The following LNPK variants were observed in gnomAD, a reference collection of about 807,000 sequenced individuals.
The protein encoded by LNPK is endoplasmic reticulum junction formation protein lunapark.
Under a neutral mutation model 55.2 loss-of-function variants are expected in LNPK, and 29 were observed. The observed-to-expected ratio is 0.53, with a 90% CI of 0.39 to 0.72. LNPK has a LOEUF of 0.72. Ranked by LOEUF, LNPK falls within the 30% of genes least tolerant of loss-of-function variation. LNPK has a pLI of 0.00. For synonymous variants in LNPK, 162 were observed against 168.2 expected (o/e 0.96, Z 0.29); for missense variants, 467 against 494.8 (o/e 0.94, Z 0.53).
chr2:175,928,995 A>G lies in LNPK; in HGVS notation c.*972T>C, dbSNP rs1684142390. 8 of 404,222 alleles carry G rather than the reference A, an allele frequency of 2.0e-5. No homozygotes were observed. Among genetic ancestry groups the G allele is most frequent in the Non-Finnish European group, 2.3e-5 (7 of 298,384 alleles). 25.0% of individuals were successfully genotyped at this position (404,222 alleles called of 1,614,324 possible). A position where few individuals can be genotyped will look rare whatever the true frequency, so the allele number is the denominator to read the frequency against. On this transcript the variant is annotated 3_prime_UTR_variant, in exon 13 of 13. Transcript: ENST00000272748. Reference sequence around the variant, plus strand: ...AACAAGTCTGAATAAAAGTACCATAATTTGCTCTAAGCAGAATCTACAGAT... The same window carrying G: ...AACAAGTCTGAATAAAAGTACCATAGTTTGCTCTAAGCAGAATCTACAGAT...
chr2:175,982,099 T>C (rs987270219), intron 4 of LNPK, among the ~76,000 whole-genome samples: 3 of 152,100 alleles, frequency 2.0e-5, no homozygotes, highest in Non-Finnish European at 2.9e-5. Flanking sequence ...TAAGAGAATA[T>C]AGGTTAAGCA....
rs1366431440 is a variant in LNPK, at chr2:175,927,148, T to C, written c.*2819A>G. 1 of 152,084 alleles carries C rather than the reference T, an allele frequency of 6.6e-6. No individual in the cohort carries two copies. Among genetic ancestry groups the C allele is most frequent in the Non-Finnish European group, 1.5e-5 (1 of 68,020 alleles). The allele number at this position is 152,084 out of a possible 1,614,324, so 9.4% of individuals were successfully genotyped here. The stretch of plus-strand genomic sequence containing the variant: ...CCAGAGAAATAAGAGAATAATAGTG[T>C]GATATATGAAAAGCCAAAAGAAAAA... On this transcript the variant is annotated 3_prime_UTR_variant, in exon 13 of 13. Transcript: ENST00000272748.
chr2:175,935,634 T>C (rs1172872845), intron 12 of LNPK: 4 of 193,074 alleles, frequency 2.1e-5, no homozygotes, highest in Non-Finnish European at 3.8e-5. Flanking sequence ...CCAAATGGAA[T>C]TGTTGCTTCA....
chr2:175,955,204 C>T (rs1455427043), intron 8 of LNPK, among the ~76,000 whole-genome samples: 1 of 152,152 alleles, frequency 6.6e-6, no homozygotes, highest in Admixed American at 6.5e-5. Flanking sequence ...TGTACCCTCC[C>T]CTTGAAATTG....
intron 8 of LNPK, among the ~76,000 whole-genome samples, chr2:175,956,380 A>T (rs1397158913): frequency 6.6e-6 from 1 of 151,896 alleles, no homozygotes; most frequent in Non-Finnish European, 1.5e-5. Context: ...ACCTATTCCT[A>T]TAACTTTGCA....
chr2:175,969,329 T>C (rs557779677), intron 6 of LNPK, among the ~76,000 whole-genome samples: 2 of 152,188 alleles, frequency 1.3e-5, no homozygotes, highest in Non-Finnish European at 2.9e-5. Context: ...ATCTTTTATG[T>C]TGCGATTCCT....
intron 9 of LNPK, among the ~76,000 whole-genome samples, chr2:175,940,194 G>A (rs750459361): frequency 4.6e-5 from 7 of 151,932 alleles, no homozygotes; most frequent in Non-Finnish European, 8.8e-5. Flanking sequence ...ATTGCCTATA[G>A]AGAGTTTCCA....
chr2:175,993,188 T>C lies in LNPK; in HGVS notation c.63A>G (p.Ile21Met). ...KPSTVEVLES[I>M]DKEIQALEEF... ...TCACAGCCAAAGAACATACCTTATC[T>C]ATACTTTCTAGAACTTCTACAGTTG... Residue 21 changes from isoleucine to methionine, a missense_variant, in exon 3 of 13, where the codon ATA (isoleucine) becomes ATG (methionine). Physicochemically the swap from Ile to Met is conservative, Grantham distance 10. Coordinates refer to ENST00000272748, the MANE Select transcript of LNPK (RefSeq NM_030650.3). The C allele has an allele frequency of 1.3e-6, 2 of 1,553,520 alleles. No homozygotes were observed. The highest frequency in any genetic ancestry group is 1.8e-6 in the Non-Finnish European group (2 of 1,140,264).
intron 8 of LNPK, among the ~76,000 whole-genome samples, chr2:175,961,731 G>A (rs912158016): frequency 6.6e-6 from 1 of 152,036 alleles, no homozygotes; most frequent in Non-Finnish European, 1.5e-5. Flanking sequence ...AGAAATAAAG[G>A]GTATTCAATT....
At chr2:175,994,517 A>C (rs1244763524) in intron 2 of LNPK, among the ~76,000 whole-genome samples, 1 of 152,100 alleles carries the variant, frequency 6.6e-6, no homozygotes, top group Non-Finnish European at 1.5e-5. Context: ...AAGAGCATTT[A>C]TATAATTTTT....
chr2:175,982,883 A>G (rs1364589156), intron 4 of LNPK, among the ~76,000 whole-genome samples: 5 of 152,236 alleles, frequency 3.3e-5, no homozygotes, highest in African/African-American at 4.8e-5. Context: ...GAATAGTGGC[A>G]TAAGATCCAC....
chr2:175,960,164 A>G (rs62187006), intron 8 of LNPK, among the ~76,000 whole-genome samples: 11,036 of 152,232 alleles, frequency 0.072, 430 homozygotes, highest in South Asian at 0.098. Context: ...ACAGAAGGTT[A>G]ACAAGGATAT....
At chr2:175,971,076 A>T (rs906855414) in intron 5 of LNPK, among the ~76,000 whole-genome samples, 1 of 152,108 alleles carries the variant, frequency 6.6e-6, no homozygotes, top group African/African-American at 2.4e-5. Flanking sequence ...AATACTTTTT[A>T]ATGTGTTCAG....
intron 3 of LNPK, among the ~76,000 whole-genome samples, chr2:175,992,683 C>A (rs1687759528): frequency 6.6e-6 from 1 of 151,954 alleles, no homozygotes; most frequent in South Asian, 2.1e-4. Context: ...GGCAAAGATT[C>A]AGGGAATGAA....
At chr2:175,985,736 G>A (rs1687377599) in intron 4 of LNPK, among the ~76,000 whole-genome samples, 3 of 152,068 alleles carry the variant, frequency 2.0e-5, no homozygotes, top group Non-Finnish European at 4.4e-5. Context: ...TATAAATTAG[G>A]CATAGTAAGA....
intron 8 of LNPK, among the ~76,000 whole-genome samples, chr2:175,962,455 A>G (rs1686089964): frequency 6.6e-6 from 1 of 152,214 alleles, no homozygotes; most frequent in Admixed American, 6.5e-5. Flanking sequence ...AAATGGGGAA[A>G]AGATTCCCTG....
chr2:175,958,620 G>A (rs1003514537), intron 8 of LNPK, among the ~76,000 whole-genome samples: 2 of 152,170 alleles, frequency 1.3e-5, no homozygotes, highest in African/African-American at 4.8e-5. Flanking sequence ...GGAGAAACCA[G>A]AGCAGAAAAG....
At chr2:175,979,741 C>T in intron 5 of LNPK, 69 bp downstream of exon 5, 2 of 1,265,576 alleles carry the variant, frequency 1.6e-6, no homozygotes, top group Non-Finnish European at 2.2e-6. Context: ...ATTTTACAAC[C>T]TGTCTTACCA....
At chr2:175,991,593 T>G (rs978884992) in intron 4 of LNPK, among the ~76,000 whole-genome samples, 23 of 152,210 alleles carry the variant, frequency 1.5e-4, no homozygotes. Context: ...TCATACTCAT[T>G]ACTTAATGTT....
Sources: gnomAD v4.1 joint callset for allele counts (sites outside exome capture counted in the v4.1 genomes callset) on GRCh38, gnomAD v4.1.1 for gene constraint, MANE v1.5 for transcripts, NCBI Gene and HGNC (gene_info 2026-07-23, HGNC 2026-07-21) for gene names.